Variants in SGSM1 observed in about 807,000 individuals in gnomAD.
SGSM1 encodes the protein small G protein signaling modulator 1, also known as RUN and TBC1 domain containing 2.
Under a neutral mutation model 133.8 loss-of-function variants are expected in SGSM1, and 73 were observed. The observed-to-expected ratio is 0.55, with a 90% confidence interval of 0.45 to 0.66. The LOEUF (loss-of-function observed/expected upper bound fraction) is 0.66, where lower values mean the gene tolerates loss of function less well. SGSM1 is among the 30% of genes least tolerant of loss of function. The pLI, the probability that SGSM1 is intolerant of heterozygous loss-of-function variation, is 0.00. For missense variants in SGSM1, 1,213 were observed against 1,448.1 expected (o/e 0.84, Z 2.64); for synonymous variants, 563 against 573.0 (o/e 0.98, Z 0.25).
At chr22:24,841,101 T>C (rs187785310) in intron 2 of SGSM1, among the ~76,000 whole-genome samples, 2,554 of 151,576 alleles carry the variant, frequency 0.017, 55 homozygotes, top group African/African-American at 0.049. Flanking sequence ...CCGCCCGCCT[T>C]GGCCTCCCAA....
chr22:24,825,043 G>A (rs991176896), intron 2 of SGSM1, among the ~76,000 whole-genome samples: 1 of 152,170 alleles, frequency 6.6e-6, no homozygotes. Context: ...AATGGGACAT[G>A]GAAGAGGCAC....
intron 22 of SGSM1, among the ~76,000 whole-genome samples, chr22:24,917,090 G>T (rs1293040547): frequency 2.1e-5 from 3 of 141,586 alleles, no homozygotes; most frequent in Non-Finnish European, 3.0e-5. Flanking sequence ...ACAGGGTCTT[G>T]CTATGTTGCC....
intron 2 of SGSM1, among the ~76,000 whole-genome samples, chr22:24,838,047 G>T (rs139652): frequency 1.3e-5 from 2 of 152,114 alleles, no homozygotes; most frequent in Non-Finnish European, 2.9e-5. Flanking sequence ...CCGTTTTCTT[G>T]TATGATTTTT....
intron 9 of SGSM1, among the ~76,000 whole-genome samples, chr22:24,860,949 A>ATATATATATATATAT (rs1569152376): frequency 4.5e-5 from 6 of 133,912 alleles, no homozygotes; most frequent in African/African-American, 1.1e-4. Context: ...ATATATATAT[A>ATATATATATATATAT]ATTTTGAAGC....
At chr22:24,876,429 G>A in intron 12 of SGSM1, 148 bp from the exon 13 acceptor site, 1 of 1,022,718 alleles carries the variant, frequency 9.8e-7, no homozygotes, top group Non-Finnish European at 1.5e-6. Context: ...GATGATTAGG[G>A]CTGCTGTTTC....
chr22:24,884,493 A>G (rs1240388932), intron 15 of SGSM1, among the ~76,000 whole-genome samples: 1 of 152,192 alleles, frequency 6.6e-6, no homozygotes, highest in Non-Finnish European at 1.5e-5. Flanking sequence ...ACGGTGGCTC[A>G]CGCCTGTAAT....
Position 24,822,917 on chromosome 22 carries a change from C to T in SGSM1, c.63+16433C>T, listed in dbSNP as rs74634685. Among the ~76,000 whole-genome samples the T allele has an allele frequency of 5.9e-3, 895 of 152,308 alleles. 11 individuals carry two copies. Among genetic ancestry groups the T allele is most frequent in the African/African-American group, 0.02 (849 of 41,554 alleles). ...AAAATGGGAATAATAACAATGACACCTACAATGCATGGTAGTTGTGAGTCT... is the reference window on the plus strand; with the variant it reads ...AAAATGGGAATAATAACAATGACACTTACAATGCATGGTAGTTGTGAGTCT... On this transcript the variant is annotated intron_variant, in intron 2 of 24. Coordinates refer to ENST00000400358, the MANE Select transcript of SGSM1 (RefSeq NM_001098497.3).
chr22:24,857,381 C>T (rs1282692043), intron 8 of SGSM1, among the ~76,000 whole-genome samples: 3 of 135,108 alleles, frequency 2.2e-5, no homozygotes, highest in Non-Finnish European at 3.0e-5. Context: ...GCACTCCAGC[C>T]TAGGCAACAG....
chr22:24,887,136 T>TGTGTGTG (rs1932656042), intron 16 of SGSM1, among the ~76,000 whole-genome samples: 1 of 148,640 alleles, frequency 6.7e-6, no homozygotes, highest in Non-Finnish European at 1.5e-5. Context: ...TGTGTGTGTG[T>TGTGTGTG]GTTTTCTCTG....
intron 2 of SGSM1, among the ~76,000 whole-genome samples, chr22:24,831,859 A>G (rs552393726): frequency 1.8e-4 from 28 of 152,342 alleles, no homozygotes; most frequent in Non-Finnish European, 3.4e-4. Flanking sequence ...TGAAGAATCA[A>G]CACATCAGTG....
chr22:24,919,037 G>A (rs866681451), intron 23 of SGSM1, among the ~76,000 whole-genome samples: 47 of 138,130 alleles, frequency 3.4e-4, no homozygotes, highest in African/African-American at 1.2e-3. Flanking sequence ...CACCACACCC[G>A]GCCTTTTTTT....
chr22:24,903,462 A>G (rs139743), intron 20 of SGSM1, among the ~76,000 whole-genome samples: 81,346 of 151,782 alleles, frequency 0.54, 23,180 homozygotes, highest in East Asian at 0.73. Flanking sequence ...ACCTGCCTTG[A>G]CCTCCCAAGT....
In SGSM1 at chr22:24,924,266, A is replaced by G; in HGVS notation, c.3274A>G (p.Asn1092Asp). ...LVYKVQTLIE[N>D]K ...GTACAAGGTGCAGACTCTGATTGAG[A>G]ACAAGTGAGGGGCACCTCACCCCGG... is the stretch of plus-strand genomic sequence containing the variant. The change falls in exon 25 of 25, where the codon AAC (asparagine) becomes GAC (aspartate). Residue 1092 changes from asparagine to aspartate, a missense_variant. Coordinates refer to ENST00000400358, the MANE Select transcript of SGSM1 (RefSeq NM_001098497.3). 1 of 1,613,862 alleles carries G rather than the reference A, an allele frequency of 6.2e-7. No homozygotes were observed. The highest frequency in any genetic ancestry group is 8.5e-7 in the Non-Finnish European group (1 of 1,179,828).
At chr22:24,861,617 G>A (rs915692918) in intron 9 of SGSM1, among the ~76,000 whole-genome samples, 5 of 148,368 alleles carry the variant, frequency 3.4e-5, no homozygotes, top group African/African-American at 1.2e-4. Context: ...GCGCGAACTC[G>A]GCTCACTGCA....
rs1265456204 is a variant in SGSM1 at position 24,874,329 on chromosome 22, C to G, written c.1292-2248C>G. 1.1e-5 allele frequency: 15 copies of G among 1,426,826 alleles called. No homozygotes were observed. The East Asian group carries it at 3.2e-4, about 30-fold the overall frequency. 88.4% of individuals were successfully genotyped at this position (1,426,826 alleles called of 1,614,324 possible). On this transcript the variant is annotated intron_variant, in intron 12 of 24. Coordinates refer to ENST00000400358, the MANE Select transcript of SGSM1 (RefSeq NM_001098497.3). ...CCGGGAAGGGGGAGGGTTGGAGCCC[C>G]CAGAAACTGGCTCTTCCAGCTGTCT...
intron 9 of SGSM1, among the ~76,000 whole-genome samples, chr22:24,861,832 A>T (rs1268724669): frequency 1.4e-5 from 2 of 141,632 alleles, no homozygotes; most frequent in East Asian, 4.3e-4. Context: ...ATTTTTTTTT[A>T]ATTTCTATTT....
rs1364141720 is a variant in SGSM1, at chr22:24,855,548, G to C, written c.670-1G>C. The C allele has an allele frequency of 1.2e-6, 2 of 1,613,712 alleles. No individual in the cohort carries two copies. Among genetic ancestry groups the C allele is most frequent in the Non-Finnish European group, 1.7e-6 (2 of 1,179,820 alleles). On this transcript the variant is annotated splice_acceptor_variant, in intron 7 of 24. Coordinates refer to ENST00000400358, the MANE Select transcript of SGSM1 (RefSeq NM_001098497.3). LOFTEE classifies it high-confidence loss of function. ...CTCTGTCTCCCGTCACTCTCTACCA[G>C]ATCCAGAAGAGGCATTCCAGTGGCA...
chr22:24,867,668 G>A (rs1931532083), intron 10 of SGSM1, among the ~76,000 whole-genome samples: 1 of 152,172 alleles, frequency 6.6e-6, no homozygotes. Context: ...AATAACTGCA[G>A]TACTTCTTTA....
intron 2 of SGSM1, among the ~76,000 whole-genome samples, chr22:24,811,247 A>C (rs1927718223): frequency 6.6e-6 from 1 of 152,108 alleles, no homozygotes; most frequent in South Asian, 2.1e-4. Flanking sequence ...GAGCACAAAG[A>C]AGTGGCCAGC....
Sources: allele counts gnomAD v4.1 joint callset (sites outside exome capture counted in the v4.1 genomes callset), GRCh38; gene constraint gnomAD v4.1.1; transcripts MANE v1.5; gene names NCBI Gene and HGNC (gene_info 2026-07-23, HGNC 2026-07-21).